Variants in SERPINB6 observed in about 807,000 individuals in gnomAD.
SERPINB6 encodes the protein serpin family B member 6.
SERPINB6 carries 16 observed loss-of-function variants against 26.1 expected under a neutral mutation model. The ratio of observed to expected loss-of-function variants is 0.61; its 90% confidence interval spans 0.42 to 0.93. The LOEUF (loss-of-function observed/expected upper bound fraction) is 0.93. Among genes scored for constraint, SERPINB6 ranks in the 40% least tolerant of loss-of-function variants. The pLI is 0.00. For missense variants in SERPINB6, 420 were observed against 478.0 expected (o/e 0.88, Z 1.13); for synonymous variants, 174 against 176.6 (o/e 0.99, Z 0.11).
At chr6:2,960,489 A>G (rs1255586500) in intron 1 of SERPINB6, 1 of 152,286 alleles carries the variant, frequency 6.6e-6, no homozygotes, top group Non-Finnish European at 1.5e-5. Context: ...GCTCTGACAC[A>G]GTTCTCAGAT....
intron 5 of SERPINB6, among the ~76,000 whole-genome samples, chr6:2,951,391 A>AAAT (rs1769780058): frequency 7.2e-6 from 1 of 138,076 alleles, no homozygotes. Flanking sequence ...TGTCTTGGAA[A>AAAT]AAATAAAAAA....
chr6:2,951,906 C>G (rs1010832854), intron 5 of SERPINB6, among the ~76,000 whole-genome samples: 3 of 152,196 alleles, frequency 2.0e-5, no homozygotes, highest in Non-Finnish European at 4.4e-5. Context: ...TGTTCCTCCC[C>G]CTCCCTGCCA....
Position 2,948,543 on chromosome 6 carries a change from C to G in SERPINB6, c.886G>C (p.Glu296Gln), listed in dbSNP as rs752907413. ...CCAGAGAAGTCTGCCTTGCCCAGCT[C>G]GAAGGCATCAGTCATGCCCAGGTTG... ...LRNLGMTDAFELGKADFSGMS... is the reference protein window; with the variant it reads ...LRNLGMTDAFQLGKADFSGMS... Residue 296 changes from glutamate to glutamine, a missense_variant, in exon 7 of 7, where the codon GAG becomes CAG. By Grantham distance (29) the Glu-to-Gln change is conservative. Transcript: ENST00000380539. The surrounding 1 kb of genome is among the most constrained non-coding windows in gnomAD (Gnocchi z 5.0). The G allele has an allele frequency of 1.9e-6, 3 of 1,614,026 alleles. No individual in the cohort carries two copies. Among genetic ancestry groups the G allele is most frequent in the African/African-American group, 1.3e-5 (1 of 74,910 alleles).
Position 2,955,658 on chromosome 6 carries a change from TGAAA to T in SERPINB6, c.174_177del (p.Phe59IlefsTer20). On this transcript the variant is annotated frameshift_variant, in exon 3 of 7. Coordinates refer to ENST00000380539, the MANE Select transcript of SERPINB6 (RefSeq NM_004568.6). LOFTEE classifies it high-confidence loss of function. ...ATGTCTCCACCACCGCCACTTTTAT[TGAAA>T]GAAAGTATCTGAAATCAAAAACAGA... 1.2e-6 allele frequency: 2 copies of T among 1,614,172 alleles called. No homozygotes were observed. Among genetic ancestry groups the T allele is most frequent in the South Asian group, 2.2e-5 (2 of 91,082 alleles).
chr6:2,963,043 G>C (rs780787999), intron 1 of SERPINB6, among the ~76,000 whole-genome samples: 2 of 152,104 alleles, frequency 1.3e-5, no homozygotes, highest in Non-Finnish European at 2.9e-5. Context: ...TGTCAGAAAG[G>C]AGACAAAATG....
Position 2,948,495 on chromosome 6 carries a change from G to A in SERPINB6, c.934C>T (p.Leu312=), listed in dbSNP as rs140230895. ...FSGMSQTDLS[L]SKVVHKSFVE... ...AAAGACTTGTGCACGACCTTGGACA[G>A]AGACAGGTCTGTCTGGGACATTCCA... The change falls in exon 7 of 7, where the codon CTG becomes TTG. Residue 312 remains leucine, a synonymous_variant. Transcript: ENST00000380539. This position sits in a 1 kb window ranked among gnomAD's most constrained non-coding sequence, Gnocchi z 5.0. The A allele has an allele frequency of 6.2e-7, 1 of 1,614,194 alleles. No homozygotes were observed. The highest frequency in any genetic ancestry group is 1.3e-5 in the African/African-American group (1 of 75,046).
intron 1 of SERPINB6, chr6:2,970,416 T>C (rs935607613): frequency 9.6e-7 from 1 of 1,042,560 alleles, no homozygotes; most frequent in Non-Finnish European, 1.2e-6. Flanking sequence ...ACAAACGCCA[T>C]CTATGCTGAT....
At chr6:2,955,919 A>C in intron 2 of SERPINB6, 1 of 410,692 alleles carries the variant, frequency 2.4e-6, no homozygotes, top group Non-Finnish European at 4.6e-6. Flanking sequence ...TCTACTAAAC[A>C]CACAAAAATG....
Position 2,953,089 on chromosome 6 carries a change from C to T in SERPINB6, c.528G>A (p.Gln176=). The change falls in exon 5 of 7, where the codon CAG becomes CAA. Residue 176 remains glutamine, a synonymous_variant. Transcript: ENST00000380539. ...TCTCCTCGGTGTTCTCCTTGTCAAACTGTTCATCCCAGTTTCCTCTGAAAT... is the reference window on the plus strand; with the variant it reads ...TCTCCTCGGTGTTCTCCTTGTCAAATTGTTCATCCCAGTTTCCTCTGAAAT... ...AVYFRGNWDE[Q]FDKENTEERL... The T allele has an allele frequency of 6.2e-7, 1 of 1,614,248 alleles. No homozygotes were observed. The highest frequency in any genetic ancestry group is 8.5e-7 in the Non-Finnish European group (1 of 1,180,044).
intron 1 of SERPINB6, chr6:2,968,773 G>A: frequency 8.1e-7 from 1 of 1,231,630 alleles, no homozygotes; most frequent in Non-Finnish European, 1.0e-6. Flanking sequence ...TGGAAGTTCT[G>A]TTTACATGGA....
At chr6:2,969,393 A>C in intron 1 of SERPINB6, 1 of 958,070 alleles carries the variant, frequency 1.0e-6, no homozygotes, top group Non-Finnish European at 1.2e-6. Flanking sequence ...ACAAATATTT[A>C]TGCAAAATTA....
In SERPINB6 at chr6:2,948,869, G is replaced by A. The variant is rs368079221; in HGVS notation, c.729+45C>T. ...GACAGCAGCCACAGCAGACACCCCCGAGTGGCTCCTTGCTAGCACGCCTCG... is the reference window on the plus strand; with the variant it reads ...GACAGCAGCCACAGCAGACACCCCCAAGTGGCTCCTTGCTAGCACGCCTCG... On this transcript the variant is annotated intron_variant, in intron 6 of 6. Transcript: ENST00000380539. This position sits in a 1 kb window ranked among gnomAD's most constrained non-coding sequence, Gnocchi z 5.0. The A allele has an allele frequency of 1.3e-5, 21 of 1,612,348 alleles. No individual in the cohort carries two copies. Among genetic ancestry groups the A allele is most frequent in the African/African-American group, 8.0e-5 (6 of 74,902 alleles).
At chr6:2,949,278 C>A (rs1421843204) in intron 5 of SERPINB6, among the ~76,000 whole-genome samples, 1 of 152,226 alleles carries the variant, frequency 6.6e-6, no homozygotes, top group Admixed American at 6.5e-5. Flanking sequence ...ACGTGTCTTT[C>A]CTCTCATTGA....
chr6:2,964,665 G>A (rs186516035), intron 1 of SERPINB6, among the ~76,000 whole-genome samples: 16 of 152,248 alleles, frequency 1.1e-4, no homozygotes, highest in Admixed American at 2.6e-4. Flanking sequence ...ATCAGGTGGT[G>A]TTAAAAGAGA....
At chr6:2,971,223 G>A (rs1431909372) in intron 1 of SERPINB6, 5 of 971,708 alleles carry the variant, frequency 5.1e-6, no homozygotes, top group Admixed American at 6.2e-5. Flanking sequence ...GTCACCGGCC[G>A]GGCTCGCGGC....
chr6:2,956,821 C>CA (rs34187484), intron 2 of SERPINB6: 33,140 of 143,028 alleles, frequency 0.23, 4,363 homozygotes, highest in Non-Finnish European at 0.3. Flanking sequence ...AACTCTGTCT[C>CA]AAAAAAAAAA....
chr6:2,954,835 A>G, intron 3 of SERPINB6, 126 bp from the exon 4 acceptor site: 2 of 727,450 alleles, frequency 2.7e-6, no homozygotes, highest in Non-Finnish European at 4.9e-6. Context: ...TTACAAATAA[A>G]TATGAGGACT....
chr6:2,955,227 T>C (rs1770317684), intron 3 of SERPINB6: 12 of 331,600 alleles, frequency 3.6e-5, no homozygotes, highest in South Asian at 3.6e-4. Context: ...CAAAAAACAC[T>C]AAGTTGAATC....
chr6:2,966,958 G>GA, intron 1 of SERPINB6: 1 of 985,334 alleles, frequency 1.0e-6, no homozygotes, highest in Non-Finnish European at 1.2e-6. Context: ...CCTAGCTTGG[G>GA]AAAAAAATGT....
Sources: gnomAD v4.1 joint callset for allele counts (sites outside exome capture counted in the v4.1 genomes callset) on GRCh38, gnomAD v4.1.1 for gene constraint, Gnocchi (gnomAD v3.1) non-coding constraint, MANE v1.5 for transcripts, NCBI Gene and HGNC (gene_info 2026-07-23, HGNC 2026-07-21) for gene names.